Variants in HDAC4 observed in about 807,000 individuals in gnomAD.
The protein encoded by HDAC4 is histone deacetylase 4, also known as histone deacetylase A.
In HDAC4, 16 loss-of-function variants were observed where a neutral mutation model predicts 135.1. The observed-to-expected ratio is 0.12, with a 90% CI of 0.08 to 0.18. The LOEUF (loss-of-function observed/expected upper bound fraction) is 0.18. Among genes scored for constraint, HDAC4 ranks in the 10% least tolerant of loss-of-function variants. The pLI is 1.00. For synonymous variants in HDAC4, 685 were observed against 653.4 expected (o/e 1.05, Z -0.74); for missense variants, 1,143 against 1,511.8 (o/e 0.76, Z 4.05).
intron 7 of HDAC4, among the ~76,000 whole-genome samples, chr2:239,153,790 A>C (rs1490278125): frequency 2.0e-5 from 3 of 152,192 alleles, no homozygotes; most frequent in Admixed American, 6.5e-5. Flanking sequence ...AAGGTGTTGG[A>C]GACTTTGCTT....
chr2:239,055,726 A>G (rs1466801361), intron 24 of HDAC4, among the ~76,000 whole-genome samples: 1 of 151,268 alleles, frequency 6.6e-6, no homozygotes, highest in Non-Finnish European at 1.5e-5. Flanking sequence ...CAAAAAAAAA[A>G]AAAAAAAGGT....
intron 2 of HDAC4, among the ~76,000 whole-genome samples, chr2:239,330,017 T>A (rs1317332386): frequency 6.6e-6 from 1 of 152,200 alleles, no homozygotes; most frequent in Non-Finnish European, 1.5e-5. Context: ...GAGGAGCTGC[T>A]GGCCCGACGT....
chr2:239,191,796 G>C (rs974573492), intron 3 of HDAC4, among the ~76,000 whole-genome samples: 2 of 152,146 alleles, frequency 1.3e-5, no homozygotes, highest in African/African-American at 2.4e-5. Flanking sequence ...GGACTGGCTT[G>C]AACCTGAGGA....
chr2:239,109,524 G>A (rs959700348), intron 14 of HDAC4, among the ~76,000 whole-genome samples: 1 of 152,112 alleles, frequency 6.6e-6, no homozygotes, highest in East Asian at 1.9e-4. Flanking sequence ...AGCCTCTTGT[G>A]AGTCAGGCTA....
intron 1 of HDAC4, among the ~76,000 whole-genome samples, chr2:239,371,772 C>T (rs1444035999): frequency 6.6e-6 from 1 of 152,208 alleles, no homozygotes; most frequent in East Asian, 1.9e-4. Context: ...GGGCCTTTAC[C>T]TGTGGTCCCT....
In HDAC4 at chr2:239,052,879, G is replaced by A. The variant is rs914359512; in HGVS notation, c.*218C>T. ...TCTGCGCGTCGCCGGCGTCTGTCCCGTGTTCCCTGTGAGGCTGCCACGCCC... is the reference window on the plus strand; with the variant it reads ...TCTGCGCGTCGCCGGCGTCTGTCCCATGTTCCCTGTGAGGCTGCCACGCCC... On this transcript the variant is annotated 3_prime_UTR_variant, in exon 27 of 27. Transcript: ENST00000543185. The A allele has an allele frequency of 6.5e-5, 40 of 610,726 alleles. 1 individual carries two copies. The highest frequency in any genetic ancestry group is 3.7e-5 in the African/African-American group (2 of 54,302). The allele number at this position is 610,726 out of a possible 1,614,324, so 37.8% of individuals were successfully genotyped here. A position where few individuals can be genotyped will look rare whatever the true frequency, so the allele number is the denominator to read the frequency against.
chr2:239,377,330 T>C (rs1695082993), intron 1 of HDAC4, among the ~76,000 whole-genome samples: 1 of 152,226 alleles, frequency 6.6e-6, no homozygotes, highest in African/African-American at 2.4e-5. Flanking sequence ...CGTGTGCCTC[T>C]GGAGGCCCCA....
In HDAC4 at chr2:239,050,118, A is replaced by G. The variant is rs951581776; in HGVS notation, c.*2979T>C. The G allele has an allele frequency of 6.6e-6, 1 of 152,630 alleles. No individual in the cohort carries two copies. Among genetic ancestry groups the G allele is most frequent in the African/African-American group, 2.4e-5 (1 of 41,458 alleles). 9.5% of individuals were successfully genotyped at this position (152,630 alleles called of 1,614,324 possible). ...GTGGAGAAGAGCCGAGTGTGTCTTC[A>G]AAGAAAAGGCTACACAGTAATGCTC... On this transcript the variant is annotated 3_prime_UTR_variant, in exon 27 of 27. Coordinates refer to ENST00000543185, the MANE Select transcript of HDAC4 (RefSeq NM_001378414.1).
intron 7 of HDAC4, among the ~76,000 whole-genome samples, chr2:239,155,874 T>G (rs896688159): frequency 9.2e-5 from 14 of 152,190 alleles, no homozygotes; most frequent in East Asian, 7.7e-4. Flanking sequence ...CCTCAGCACC[T>G]GCTCCAGCTC....
In HDAC4 at chr2:239,352,751, C is replaced by T; in HGVS notation, c.-52G>A. ...GATTCGAAATGGCTCAAAATTTCCA[C>T]GGAAACGATAGCTCCAACGAGCTCC... On this transcript the variant is annotated 5_prime_UTR_variant, in exon 2 of 27. The change creates a new upstream start codon in the 5' untranslated region. Transcript: ENST00000543185. This position sits in a 1 kb window ranked among gnomAD's most constrained non-coding sequence, Gnocchi z 4.4. The T allele has an allele frequency of 2.0e-6, 3 of 1,525,068 alleles. No individual in the cohort carries two copies. Among genetic ancestry groups the T allele is most frequent in the South Asian group, 1.2e-5 (1 of 83,538 alleles). The allele number at this position is 1,525,068 out of a possible 1,614,324, so 94.5% of individuals were successfully genotyped here.
intron 3 of HDAC4, among the ~76,000 whole-genome samples, chr2:239,222,727 G>A (rs557769595): frequency 2.6e-5 from 4 of 152,238 alleles, no homozygotes; most frequent in African/African-American, 9.6e-5. Flanking sequence ...AAAAGCAATT[G>A]AATAGAAACA....
chr2:239,164,549 G>A (rs769583768), intron 5 of HDAC4, among the ~76,000 whole-genome samples: 1 of 152,170 alleles, frequency 6.6e-6, no homozygotes, highest in Non-Finnish European at 1.5e-5. Flanking sequence ...AAGGGAACTG[G>A]CAAAAAAGGC....
At position 239,090,875 on chromosome 2, in the gene HDAC4, G is replaced by T. The variant is rs186420506; in HGVS notation, c.2281-759C>A. ...CAAATAATTAGCAGCAAAATGAAAT[G>T]TAAGGGGAATCACGACCAGTCTCTT... is the stretch of plus-strand genomic sequence containing the variant. On this transcript the variant is annotated intron_variant, in intron 17 of 26. Coordinates refer to ENST00000543185, the MANE Select transcript of HDAC4 (RefSeq NM_001378414.1). Among the ~76,000 whole-genome samples the T allele has an allele frequency of 1.9e-3, 288 of 152,330 alleles. 3 individuals carry two copies. The highest frequency in any genetic ancestry group is 6.7e-3 in the African/African-American group (277 of 41,580).
At chr2:239,092,057 C>G (rs1175737703) in intron 17 of HDAC4, among the ~76,000 whole-genome samples, 1 of 151,886 alleles carries the variant, frequency 6.6e-6, no homozygotes, top group Non-Finnish European at 1.5e-5. Context: ...GGCGACAGAG[C>G]CAGACTCCGT....
chr2:239,175,433 G>A (rs1184064231), intron 5 of HDAC4, among the ~76,000 whole-genome samples: 1 of 152,234 alleles, frequency 6.6e-6, no homozygotes, highest in Non-Finnish European at 1.5e-5. Context: ...ACAGTCAGCA[G>A]GGGCGACACT....
At chr2:239,258,206 C>T (rs558241986) in intron 2 of HDAC4, among the ~76,000 whole-genome samples, 11 of 151,862 alleles carry the variant, frequency 7.2e-5, no homozygotes, top group African/African-American at 2.7e-4. Flanking sequence ...GGAAGGTGGG[C>T]CAGAAGGACA....
chr2:239,276,505 T>C (rs1437158171), intron 2 of HDAC4, among the ~76,000 whole-genome samples: 2 of 152,204 alleles, frequency 1.3e-5, no homozygotes, highest in African/African-American at 4.8e-5. Flanking sequence ...CCATTGGTCA[T>C]CAGTGCTGTT....
In HDAC4 at chr2:239,139,780, G is replaced by A. The variant is rs911608166; in HGVS notation, c.882C>T (p.Ser294=). 5 of 1,613,984 alleles carry A rather than the reference G, an allele frequency of 3.1e-6. No homozygotes were observed. Among genetic ancestry groups the A allele is most frequent in the Admixed American group, 3.3e-5 (2 of 60,026 alleles). Residue 294 remains serine (S), a synonymous_variant, in exon 9 of 27, where the codon AGC becomes AGT. Coordinates refer to ENST00000543185, the MANE Select transcript of HDAC4 (RefSeq NM_001378414.1). The surrounding 1 kb of genome is among the most constrained non-coding windows in gnomAD (Gnocchi z 5.3). ...GTGAGCTGGGTCCGGAGCCTGGGGCGCTGCTGCACGCGGAGTCTGCGGAGG... is the reference window on the plus strand; with the variant it reads ...GTGAGCTGGGTCCGGAGCCTGGGGCACTGCTGCACGCGGAGTCTGCGGAGG... ...PLDVTDSACS[S]APGSGPSSPN...
intron 3 of HDAC4, among the ~76,000 whole-genome samples, chr2:239,230,368 C>CAAAAAAAAAAAAAAAA (rs56105562): frequency 7.6e-5 from 6 of 79,394 alleles, no homozygotes; most frequent in African/African-American, 2.6e-4. Context: ...AGCAAGCAAG[C>CAAAAAAAAAAAAAAAA]AAAAAAAAAA....
Sources: allele counts gnomAD v4.1 joint callset (sites outside exome capture counted in the v4.1 genomes callset), GRCh38; gene constraint gnomAD v4.1.1; non-coding constraint Gnocchi (gnomAD v3.1); transcripts MANE v1.5; gene names NCBI Gene and HGNC (gene_info 2026-07-23, HGNC 2026-07-21).